The following AGMO variants were observed in gnomAD, a reference collection of about 807,000 sequenced individuals.
AGMO encodes alkylglycerol monooxygenase.
In AGMO, 75 loss-of-function variants were observed where a neutral mutation model predicts 60.2. The ratio of observed to expected loss-of-function variants is 1.25; its 90% confidence interval spans 1.03 to 1.51. The LOEUF (loss-of-function observed/expected upper bound fraction) is 1.51. Ranked by LOEUF, AGMO falls within the 40% of genes most tolerant of loss-of-function variation. The pLI is 0.00. For synonymous variants in AGMO, 261 were observed against 177.1 expected (o/e 1.47, Z -3.76); for missense variants, 763 against 525.5 (o/e 1.45, Z -4.42).
At chr7:15,533,571 G>A (rs372624587) in intron 3 of AGMO, among the ~76,000 whole-genome samples, 1 of 151,746 alleles carries the variant, frequency 6.6e-6, no homozygotes, top group South Asian at 2.1e-4. Context: ...TATGCTTTAC[G>A]TGCAGTTCAC....
intron 3 of AGMO, among the ~76,000 whole-genome samples, chr7:15,465,013 G>T (rs1782241509): frequency 6.6e-6 from 1 of 152,110 alleles, no homozygotes; most frequent in South Asian, 2.1e-4. Flanking sequence ...GTTCCCACGT[G>T]TCATTTTCTG....
chr7:15,126,193 T>C, the AGMO span, among the ~76,000 whole-genome samples: 10 of 152,108 alleles, frequency 6.6e-5, no homozygotes, highest in Non-Finnish European at 1.3e-4. Flanking sequence ...CTACTAGCTG[T>C]ATATTTTCAT....
chr7:15,172,736 T>C, the AGMO span, among the ~76,000 whole-genome samples: 1 of 152,176 alleles, frequency 6.6e-6, no homozygotes, highest in Non-Finnish European at 1.5e-5. Flanking sequence ...TATGCTTATC[T>C]AGAATCCAGA....
chr7:15,234,949 T>A (rs997559230), intron 12 of AGMO, among the ~76,000 whole-genome samples: 1 of 152,158 alleles, frequency 6.6e-6, no homozygotes, highest in African/African-American at 2.4e-5. Context: ...TCCCTACTTT[T>A]TCCGTTTTAG....
chr7:15,225,680 G>A (rs182858613), intron 12 of AGMO, among the ~76,000 whole-genome samples: 1 of 151,772 alleles, frequency 6.6e-6, no homozygotes, highest in Admixed American at 6.6e-5. Context: ...TATTATGATT[G>A]TTACTCATGG....
At chr7:15,174,380 T>C in the AGMO span, among the ~76,000 whole-genome samples, 1 of 152,100 alleles carries the variant, frequency 6.6e-6, no homozygotes, top group African/African-American at 2.4e-5. Flanking sequence ...TGCATTGTAA[T>C]GTAATCATAT....
chr7:15,555,169 A>G (rs1744840167), intron 2 of AGMO, among the ~76,000 whole-genome samples: 1 of 151,598 alleles, frequency 6.6e-6, no homozygotes, highest in African/African-American at 2.4e-5. Context: ...TATTTCTAAT[A>G]ATCTTGTTTT....
At chr7:15,548,704 G>A (rs1165575609) in intron 2 of AGMO, among the ~76,000 whole-genome samples, 2 of 152,192 alleles carry the variant, frequency 1.3e-5, no homozygotes, top group African/African-American at 4.8e-5. Context: ...TGTGCCTGAA[G>A]GTGATGGGGA....
the AGMO span, among the ~76,000 whole-genome samples, chr7:15,179,078 G>A: frequency 6.6e-6 from 1 of 152,062 alleles, no homozygotes; most frequent in African/African-American, 2.4e-5. Flanking sequence ...CTGTTACAAT[G>A]ACAAATTTCA....
chr7:15,171,916 C>A, the AGMO span, among the ~76,000 whole-genome samples: 1 of 152,146 alleles, frequency 6.6e-6, no homozygotes, highest in Non-Finnish European at 1.5e-5. Flanking sequence ...GAGAAACCCA[C>A]ATATCTAAGT....
intron 5 of AGMO, among the ~76,000 whole-genome samples, chr7:15,405,908 C>T (rs1164021048): frequency 1.3e-5 from 2 of 151,804 alleles, no homozygotes; most frequent in Admixed American, 1.3e-4. Context: ...TAATCTTATT[C>T]ATTATGTCAT....
At chr7:15,329,419 G>A (rs921454959) in intron 12 of AGMO, among the ~76,000 whole-genome samples, 7 of 152,134 alleles carry the variant, frequency 4.6e-5, no homozygotes, top group African/African-American at 1.7e-4. Context: ...TCAAGATTAA[G>A]GTGCAAGCTC....
intron 3 of AGMO, among the ~76,000 whole-genome samples, chr7:15,443,049 C>T (rs1331256354): frequency 6.6e-6 from 1 of 152,214 alleles, no homozygotes; most frequent in Non-Finnish European, 1.5e-5. Flanking sequence ...TCCCCTCTGG[C>T]TTCGCCATCT....
intron 12 of AGMO, among the ~76,000 whole-genome samples, chr7:15,224,355 A>G (rs986278574): frequency 2.6e-5 from 4 of 152,074 alleles, no homozygotes; most frequent in Non-Finnish European, 5.9e-5. Context: ...ATGAGGGTAG[A>G]AAGCTCGTGA....
At chr7:15,356,158 T>A (rs1782522758) in intron 12 of AGMO, among the ~76,000 whole-genome samples, 1 of 152,112 alleles carries the variant, frequency 6.6e-6, no homozygotes, top group Non-Finnish European at 1.5e-5. Flanking sequence ...GCTAAAGAAT[T>A]TAAACAAGCA....
At chr7:15,241,709 A>T (rs1782596123) in intron 12 of AGMO, among the ~76,000 whole-genome samples, 1 of 141,576 alleles carries the variant, frequency 7.1e-6, no homozygotes, top group Admixed American at 7.4e-5. Context: ...CAAAATACTA[A>T]AAATGTAATG....
chr7:15,536,113 ACTAT>A (rs1366575830), intron 3 of AGMO, among the ~76,000 whole-genome samples: 8 of 151,944 alleles, frequency 5.3e-5, no homozygotes, highest in Non-Finnish European at 1.0e-4. Context: ...AATAGTATTA[ACTAT>A]CTGACAGTCA....
At chr7:15,349,637 T>C (rs761505004) in intron 12 of AGMO, among the ~76,000 whole-genome samples, 7 of 152,108 alleles carry the variant, frequency 4.6e-5, no homozygotes, top group Non-Finnish European at 1.0e-4. Context: ...CATGCTGCTA[T>C]GAAGAAAAAT....
intron 12 of AGMO, among the ~76,000 whole-genome samples, chr7:15,344,856 T>G (rs1298330555): frequency 6.6e-6 from 1 of 152,208 alleles, no homozygotes; most frequent in Non-Finnish European, 1.5e-5. Context: ...TGTCAACATT[T>G]TATCTGAATG....
Sources: gnomAD v4.1 joint callset for allele counts (sites outside exome capture counted in the v4.1 genomes callset) on GRCh38, gnomAD v4.1.1 for gene constraint, MANE v1.5 for transcripts, NCBI Gene and HGNC (gene_info 2026-07-23, HGNC 2026-07-21) for gene names.